DPP6: variants seen among roughly 807,000 people sequenced by gnomAD.
DPP6 encodes the protein A-type potassium channel modulatory protein DPP6.
A neutral mutation model predicts 122.6 loss-of-function variants in DPP6; 69 were observed. That is an observed-to-expected ratio of 0.56 (90% CI 0.46 to 0.69). The LOEUF (loss-of-function observed/expected upper bound fraction) is 0.69, where lower values mean the gene tolerates loss of function less well. Ranked by LOEUF, DPP6 falls within the 30% of genes least tolerant of loss-of-function variation. DPP6 has a pLI of 0.00. For missense variants in DPP6, 928 were observed against 1,116.9 expected (o/e 0.83, Z 2.41); for synonymous variants, 418 against 433.1 (o/e 0.97, Z 0.43).
At position 154,175,900 on chromosome 7, in the gene DPP6, C is replaced by T. The variant is rs887679968; in HGVS notation, c.243+122837C>T. On this transcript the variant is annotated intron_variant, in intron 1 of 25. Coordinates refer to ENST00000377770, the MANE Select transcript of DPP6 (RefSeq NM_130797.4). ...ACGGAGTTTCGTCATCTTGGCCAGG[C>T]TGGTCTCAAACTCCTGACCTCAAGT... is the stretch of plus-strand genomic sequence containing the variant. Among the ~76,000 whole-genome samples the T allele has an allele frequency of 3.2e-4, 48 of 152,022 alleles. 1 individual carries two copies. The highest frequency in any genetic ancestry group is 3.0e-3 in the Admixed American group (46 of 15,264).
intron 6 of DPP6, among the ~76,000 whole-genome samples, chr7:154,640,714 G>C (rs540424687): frequency 6.6e-6 from 1 of 152,134 alleles, no homozygotes; most frequent in East Asian, 1.9e-4. Flanking sequence ...CTAAGTCTGA[G>C]GATCTAGGTG....
intron 1 of DPP6, among the ~76,000 whole-genome samples, chr7:154,187,184 A>G (rs1365482406): frequency 6.6e-6 from 1 of 152,248 alleles, no homozygotes; most frequent in Non-Finnish European, 1.5e-5. Context: ...ATGGAACATT[A>G]TTATACCACT....
At chr7:153,827,288 A>G in the DPP6 span, among the ~76,000 whole-genome samples, 1 of 152,214 alleles carries the variant, frequency 6.6e-6, no homozygotes, top group Admixed American at 6.5e-5. Flanking sequence ...AGAAAGAAAC[A>G]CAGACAACAA....
At chr7:154,344,361 T>C (rs1810208133) in intron 1 of DPP6, among the ~76,000 whole-genome samples, 1 of 152,076 alleles carries the variant, frequency 6.6e-6, no homozygotes, top group Admixed American at 6.6e-5. Flanking sequence ...AAAACTGCAA[T>C]GAGGTATCAT....
intron 1 of DPP6, among the ~76,000 whole-genome samples, chr7:154,115,042 A>G (rs1806879757): frequency 6.6e-6 from 1 of 152,194 alleles, no homozygotes; most frequent in Non-Finnish European, 1.5e-5. Context: ...TTTCTTCTCC[A>G]GGTGAGGGTA....
At chr7:154,207,824 G>A (rs969625985) in intron 1 of DPP6, among the ~76,000 whole-genome samples, 10 of 152,034 alleles carry the variant, frequency 6.6e-5, no homozygotes, top group Admixed American at 3.9e-4. Context: ...ATGCGATGGC[G>A]CAGGCCTGTA....
intron 17 of DPP6, 65 bp downstream of exon 17, chr7:154,853,892 T>G (rs1802606470): frequency 1.9e-6 from 3 of 1,598,518 alleles, no homozygotes; most frequent in Non-Finnish European, 2.6e-6. Context: ...AAACACTCTA[T>G]GAGATCAGCT....
chr7:153,830,597 C>A, the DPP6 span, among the ~76,000 whole-genome samples: 1 of 152,202 alleles, frequency 6.6e-6, no homozygotes, highest in Admixed American at 6.5e-5. Flanking sequence ...CAGGAGCTCT[C>A]TTTTCTCTCC....
intron 1 of DPP6, among the ~76,000 whole-genome samples, chr7:154,104,013 T>C (rs1805953479): frequency 6.6e-6 from 1 of 152,244 alleles, no homozygotes; most frequent in Non-Finnish European, 1.5e-5. Flanking sequence ...GTCGTGAGCA[T>C]GTGAGACAAT....
At chr7:154,284,555 T>C (rs2150955690) in intron 1 of DPP6, among the ~76,000 whole-genome samples, 1 of 152,264 alleles carries the variant, frequency 6.6e-6, no homozygotes, top group East Asian at 1.9e-4. Context: ...GGATCAATCT[T>C]GAAAACACTA....
chr7:154,391,335 CCA>C (rs35351504), intron 1 of DPP6, among the ~76,000 whole-genome samples: 18,541 of 152,082 alleles, frequency 0.12, 1,242 homozygotes, highest in South Asian at 0.17. Flanking sequence ...TCCTCCATCC[CCA>C]GTCTTCCCAG....
At chr7:154,078,065 T>TG (rs1164376235) in intron 1 of DPP6, among the ~76,000 whole-genome samples, 2 of 152,196 alleles carry the variant, frequency 1.3e-5, no homozygotes, top group Non-Finnish European at 2.9e-5. Context: ...CGACAGTGTG[T>TG]CTACTTCCTT....
At chr7:154,029,562 T>G (rs571807115) in intron 1 of DPP6, among the ~76,000 whole-genome samples, 7 of 143,448 alleles carry the variant, frequency 4.9e-5, no homozygotes, top group Admixed American at 3.6e-4. Context: ...ATTAGCAATT[T>G]TATGCTGGGC....
intron 3 of DPP6, among the ~76,000 whole-genome samples, chr7:154,493,605 A>G (rs1021299842): frequency 6.6e-6 from 1 of 152,282 alleles, no homozygotes; most frequent in Admixed American, 6.5e-5. Flanking sequence ...GTCATCTTAC[A>G]TAAATGAAAA....
At chr7:154,293,640 T>C (rs1805348607) in intron 1 of DPP6, among the ~76,000 whole-genome samples, 1 of 152,122 alleles carries the variant, frequency 6.6e-6, no homozygotes, top group African/African-American at 2.4e-5. Flanking sequence ...CATACATAAA[T>C]GTTTTCTAGT....
intron 19 of DPP6, among the ~76,000 whole-genome samples, chr7:154,873,917 C>T (rs536311998): frequency 2.0e-5 from 3 of 151,254 alleles, no homozygotes; most frequent in Non-Finnish European, 4.4e-5. Flanking sequence ...TAGGCACACA[C>T]ACATGCACAC....
At chr7:154,167,735 C>A (rs1797327242) in intron 1 of DPP6, among the ~76,000 whole-genome samples, 1 of 152,172 alleles carries the variant, frequency 6.6e-6, no homozygotes. Flanking sequence ...AGAATCTAGC[C>A]TTTTCCATTA....
chr7:154,565,424 A>G (rs1299814965), intron 4 of DPP6, among the ~76,000 whole-genome samples: 1 of 152,220 alleles, frequency 6.6e-6, no homozygotes, highest in East Asian at 1.9e-4. Flanking sequence ...CGAGCCCTTT[A>G]AAGATCACTA....
chr7:154,514,491 CTCCAGA>C (rs143378136), intron 3 of DPP6, among the ~76,000 whole-genome samples: 28 of 152,220 alleles, frequency 1.8e-4, no homozygotes, highest in African/African-American at 6.7e-4. Context: ...CTCCATCCAT[CTCCAGA>C]TCCTTCCTAC....
Sources: allele counts gnomAD v4.1 joint callset (sites outside exome capture counted in the v4.1 genomes callset), GRCh38; gene constraint gnomAD v4.1.1; transcripts MANE v1.5; gene names NCBI Gene and HGNC (gene_info 2026-07-23, HGNC 2026-07-21).